The following NREP variants were observed in gnomAD, a reference collection of about 807,000 sequenced individuals.
The protein encoded by NREP is neuronal regeneration related protein.
A neutral mutation model predicts 8.6 loss-of-function variants in NREP; 5 were observed. That is an observed-to-expected ratio of 0.58 (90% CI 0.30 to 1.22). The LOEUF (loss-of-function observed/expected upper bound fraction) is 1.22. Ranked by LOEUF, NREP falls within the 50% of genes most tolerant of loss-of-function variation. The pLI, the probability that NREP is intolerant of heterozygous loss-of-function variation, is 0.07. For synonymous variants in NREP, 27 were observed against 28.0 expected, an observed-to-expected ratio of 0.96 and a Z score of 0.11; for missense variants, 86 against 82.5, an observed-to-expected ratio of 1.04 and a Z score of -0.17.
Position 111,835,696 on chromosome 5 carries a change from G to T in NREP, c.136-100189C>A, listed in dbSNP as rs569225558. On this transcript the variant is annotated intron_variant, in intron 2 of 3. Coordinates refer to the NREP transcript ENST00000395634. The stretch of plus-strand genomic sequence containing the variant: ...AAAGGAAATAAAGATAGGCAGATAG[G>T]AACATTCTGGGATAAGTGGTTTGTG... Among the ~76,000 whole-genome samples the T allele has an allele frequency of 1.3e-3, 193 of 152,254 alleles. 1 individual carries two copies. Among genetic ancestry groups the T allele is most frequent in the African/African-American group, 4.5e-3 (186 of 41,556 alleles).
At chr5:111,876,608 G>A (rs992145235) in intron 2 of NREP, among the ~76,000 whole-genome samples, 1 of 152,160 alleles carries the variant, frequency 6.6e-6, no homozygotes, top group Non-Finnish European at 1.5e-5. Flanking sequence ...AAAAGAAAAT[G>A]CAATCTGCCA....
At chr5:111,767,977 T>C (rs1448959366) in intron 2 of NREP, among the ~76,000 whole-genome samples, 1 of 152,166 alleles carries the variant, frequency 6.6e-6, no homozygotes, top group Non-Finnish European at 1.5e-5. Flanking sequence ...TAGTACATGT[T>C]TAATATGAAA....
chr5:111,954,238 T>G (rs1480591517), intron 2 of NREP, among the ~76,000 whole-genome samples: 1 of 152,150 alleles, frequency 6.6e-6, no homozygotes, highest in Non-Finnish European at 1.5e-5. Context: ...GGATTTTATA[T>G]TTTATGCCCA....
intron 2 of NREP, among the ~76,000 whole-genome samples, chr5:111,770,599 C>T (rs1184823401): frequency 8.6e-6 from 1 of 116,616 alleles, no homozygotes; most frequent in Admixed American, 1.1e-4. Flanking sequence ...CAGAGTCTCA[C>T]TCTGTTACCC....
intron 2 of NREP, among the ~76,000 whole-genome samples, chr5:111,764,461 A>T (rs988768152): frequency 5.3e-5 from 8 of 152,242 alleles, no homozygotes; most frequent in Non-Finnish European, 1.0e-4. Flanking sequence ...TCTTACGTGG[A>T]TGGCAGCAGG....
At chr5:111,889,537 T>C (rs1480463079) in intron 2 of NREP, among the ~76,000 whole-genome samples, 3 of 152,214 alleles carry the variant, frequency 2.0e-5, no homozygotes, top group Non-Finnish European at 4.4e-5. Context: ...TTGCAAAATA[T>C]AATCATCCCT....
At chr5:111,884,515 CA>C (rs1055593411) in intron 2 of NREP, among the ~76,000 whole-genome samples, 2 of 152,142 alleles carry the variant, frequency 1.3e-5, no homozygotes, top group African/African-American at 2.4e-5. Flanking sequence ...GGCAGAGACA[CA>C]ACCAAAGAAG....
chr5:111,843,631 T>C (rs533798392), intron 2 of NREP, among the ~76,000 whole-genome samples: 20 of 152,126 alleles, frequency 1.3e-4, no homozygotes, highest in Non-Finnish European at 2.2e-4. Context: ...TTAGTGATCA[T>C]TGAGGATTTG....
intron 2 of NREP, among the ~76,000 whole-genome samples, chr5:111,787,547 G>T (rs1751641249): frequency 6.6e-6 from 1 of 151,090 alleles, no homozygotes; most frequent in South Asian, 2.1e-4. Flanking sequence ...ACACTCATTG[G>T]CATTATTATT....
At chr5:111,900,874 T>C (rs911771907) in intron 2 of NREP, among the ~76,000 whole-genome samples, 6 of 152,070 alleles carry the variant, frequency 3.9e-5, no homozygotes, top group Admixed American at 6.6e-5. Context: ...TCCAAAAACA[T>C]TGAAAAGGAG....
chr5:111,886,934 G>T (rs1163947216), intron 2 of NREP, among the ~76,000 whole-genome samples: 4 of 151,398 alleles, frequency 2.6e-5, no homozygotes, highest in Non-Finnish European at 5.9e-5. Flanking sequence ...TAACTAAACT[G>T]CACATTGTGC....
chr5:111,941,432 C>T (rs573518760), intron 2 of NREP, among the ~76,000 whole-genome samples: 1 of 152,104 alleles, frequency 6.6e-6, no homozygotes, highest in African/African-American at 2.4e-5. Context: ...CTTCTGAGGC[C>T]TCTCTCATTG....
At chr5:111,750,487 G>C (rs770964707) in intron 2 of NREP, among the ~76,000 whole-genome samples, 2 of 152,142 alleles carry the variant, frequency 1.3e-5, no homozygotes, top group Non-Finnish European at 2.9e-5. Context: ...AGGTTGATTA[G>C]CAATGTCTCC....
intron 2 of NREP, among the ~76,000 whole-genome samples, chr5:111,946,588 T>C (rs951524579): frequency 6.6e-6 from 1 of 152,028 alleles, no homozygotes; most frequent in Admixed American, 6.6e-5. Context: ...TTATTCTTTC[T>C]AGTAAAGTCA....
intron 2 of NREP, among the ~76,000 whole-genome samples, chr5:111,744,301 T>C (rs774859745): frequency 2.0e-5 from 3 of 152,266 alleles, no homozygotes; most frequent in Non-Finnish European, 1.5e-5. Context: ...ATCTCTTCAA[T>C]AGCAAATAGT....
At chr5:111,888,342 C>CGGG (rs55744973) in intron 2 of NREP, among the ~76,000 whole-genome samples, 12 of 150,116 alleles carry the variant, frequency 8.0e-5, no homozygotes, top group African/African-American at 2.9e-4. Context: ...TGCTGGGTGG[C>CGGG]GGGGGGGGTC....
At chr5:111,865,755 C>T (rs555867367) in intron 2 of NREP, among the ~76,000 whole-genome samples, 1 of 152,250 alleles carries the variant, frequency 6.6e-6, no homozygotes, top group South Asian at 2.1e-4. Flanking sequence ...GGAAACTCCA[C>T]AGAGAGCACT....
At chr5:111,910,657 G>T (rs1259718605) in intron 2 of NREP, among the ~76,000 whole-genome samples, 1 of 151,990 alleles carries the variant, frequency 6.6e-6, no homozygotes, top group African/African-American at 2.4e-5. Context: ...AAAGCACCAG[G>T]CTGTGGAGCT....
chr5:111,895,658 A>C (rs1320961324), intron 2 of NREP, among the ~76,000 whole-genome samples: 2 of 152,042 alleles, frequency 1.3e-5, no homozygotes, highest in Non-Finnish European at 2.9e-5. Flanking sequence ...GATATTATTG[A>C]TATTGAGACC....
Sources: gnomAD v4.1 joint callset for allele counts (sites outside exome capture counted in the v4.1 genomes callset) on GRCh38, gnomAD v4.1.1 for gene constraint, MANE v1.5 for transcripts, NCBI Gene and HGNC (gene_info 2026-07-23, HGNC 2026-07-21) for gene names.